MAN2B2: variants seen among roughly 807,000 people sequenced by gnomAD.
MAN2B2 encodes the protein epididymis-specific alpha-mannosidase.
A neutral mutation model predicts 117.1 loss-of-function variants in MAN2B2; 106 were observed. The ratio of observed to expected loss-of-function variants is 0.90; its 90% CI spans 0.77 to 1.06. MAN2B2 has a LOEUF of 1.06. Ranked by LOEUF, MAN2B2 falls within the 50% of genes least tolerant of loss-of-function variation. The pLI, the probability that MAN2B2 is intolerant of heterozygous loss-of-function variation, is 0.00. For synonymous variants in MAN2B2, 544 were observed against 595.1 expected, an observed-to-expected ratio of 0.91 and a Z score of 1.25; for missense variants, 1,326 against 1,381.4, an observed-to-expected ratio of 0.96 and a Z score of 0.64.
intron 2 of MAN2B2, 32 bp downstream of exon 2, chr4:6,576,756 C>T: frequency 1.2e-6 from 2 of 1,610,200 alleles, no homozygotes; most frequent in Non-Finnish European, 1.7e-6. Flanking sequence ...ACAGTTGGCC[C>T]AGTATCCTGG....
At chr4:6,592,314 A>G (rs1726890669) in intron 5 of MAN2B2, among the ~76,000 whole-genome samples, 1 of 152,282 alleles carries the variant, frequency 6.6e-6, no homozygotes, top group South Asian at 2.1e-4. Flanking sequence ...ACATTCTACC[A>G]GGGAGCTTGG....
rs376087541 is a variant in MAN2B2 at position 6,578,517 on chromosome 4, G to A, written c.391+19G>A. On this transcript the variant is annotated intron_variant, in intron 3 of 18. Coordinates refer to ENST00000285599, the MANE Select transcript of MAN2B2 (RefSeq NM_015274.3). ...CTCACAGGTTTGGCCACCCTACCCT[G>A]CACCCAGGGTCCCTCAGGACCTCCA... 1.1e-5 allele frequency: 17 copies of A among 1,604,802 alleles called. No homozygotes were observed. The African/African-American group carries it at 1.2e-4, about 11-fold the overall frequency.
At chr4:6,585,334 A>T (rs1726590065) in intron 3 of MAN2B2, among the ~76,000 whole-genome samples, 1 of 152,194 alleles carries the variant, frequency 6.6e-6, no homozygotes, top group East Asian at 1.9e-4. Flanking sequence ...TAGATCAGTT[A>T]TGAGAGTTCT....
chr4:6,608,045 G>A (rs1401529356), intron 11 of MAN2B2, among the ~76,000 whole-genome samples: 1 of 152,158 alleles, frequency 6.6e-6, no homozygotes, highest in African/African-American at 2.4e-5. Flanking sequence ...GGTGAGATGT[G>A]TCTTTAGATC....
At chr4:6,588,251 G>T (rs996110476) in intron 4 of MAN2B2, among the ~76,000 whole-genome samples, 1 of 152,200 alleles carries the variant, frequency 6.6e-6, no homozygotes, top group East Asian at 1.9e-4. Flanking sequence ...TGTGAGGGAA[G>T]GGGCTGCTCC....
rs182938310 is a variant in MAN2B2, at chr4:6,585,967, G to A, written c.392-1029G>A. Among the ~76,000 whole-genome samples, 11 of 152,312 alleles carry A rather than the reference G, an allele frequency of 7.2e-5. No homozygotes were observed. In the East Asian group the frequency reaches 1.9e-3, roughly 27 times the overall value. ...TTCTGCTTCACTGTGTTTGTTAGAA[G>A]TGAGTCACTGAGTCTGGCCACCCTC... On this transcript the variant is annotated intron_variant, in intron 3 of 18. Transcript: ENST00000285599.
chr4:6,611,083 CAG>C lies in MAN2B2; in HGVS notation c.2371-2_2371-1del. On this transcript the variant is annotated splice_acceptor_variant, in intron 14 of 18. Coordinates refer to ENST00000285599, the MANE Select transcript of MAN2B2 (RefSeq NM_015274.3). LOFTEE classifies it high-confidence loss of function. ...GGGCCTCTCGGACAATGCCTTCCCG[CAG>C]GTCATGCTCCACCGGCGGCTGTGGA... 1 of 1,612,478 alleles carries C rather than the reference CAG, an allele frequency of 6.2e-7. No homozygotes were observed. Among genetic ancestry groups the C allele is most frequent in the Non-Finnish European group, 8.5e-7 (1 of 1,178,848 alleles).
At position 6,614,196 on chromosome 4, in the gene MAN2B2, ACT is replaced by A; in HGVS notation, c.2564-19_2564-18del. On this transcript the variant is annotated intron_variant, in intron 15 of 18. Transcript: ENST00000285599. The stretch of plus-strand genomic sequence containing the variant: ...GAGTTGAGCCCCAAACCCTCTCCTC[ACT>A]CTGTCCATCTGCCTTGCAGGGACTG... 1 of 1,611,760 alleles carries A rather than the reference ACT, an allele frequency of 6.2e-7. No individual in the cohort carries two copies. Among genetic ancestry groups the A allele is most frequent in the Non-Finnish European group, 8.5e-7 (1 of 1,178,350 alleles).
At chr4:6,587,754 T>G (rs1205222276) in intron 4 of MAN2B2, among the ~76,000 whole-genome samples, 24 of 76,254 alleles carry the variant, frequency 3.1e-4, no homozygotes, top group African/African-American at 7.7e-4. Context: ...GTTGTTGTTT[T>G]TTTTTTTTTT....
At chr4:6,580,531 G>A (rs1162570688) in intron 3 of MAN2B2, among the ~76,000 whole-genome samples, 6 of 152,178 alleles carry the variant, frequency 3.9e-5, no homozygotes, top group Admixed American at 3.9e-4. Flanking sequence ...GAGGCTCTGG[G>A]GCTGTTTCTC....
chr4:6,600,897 C>T (rs1399558476), intron 10 of MAN2B2, 141 bp downstream of exon 10: 1 of 1,077,744 alleles, frequency 9.3e-7, no homozygotes, highest in African/African-American at 1.6e-5. Context: ...CTCAGAGAAG[C>T]AAAGTGGGGT....
intron 5 of MAN2B2, among the ~76,000 whole-genome samples, chr4:6,591,085 T>C (rs564571572): frequency 1.4e-4 from 22 of 151,846 alleles, no homozygotes; most frequent in Admixed American, 1.2e-3. Context: ...AAGATGGAGG[T>C]TGCAGTAAGC....
In MAN2B2 at chr4:6,610,454, G is replaced by T. The variant is rs544972071; in HGVS notation, c.2259+404G>T. Among the ~76,000 whole-genome samples, 42 of 152,302 alleles carry T rather than the reference G, an allele frequency of 2.8e-4. 1 individual carries two copies. The South Asian group carries it at 8.1e-3, about 29-fold the overall frequency. The stretch of plus-strand genomic sequence containing the variant: ...TTACAGGTGTGAGCCACCGCGCCCG[G>T]CCTCCAGAGAGAATTCTTTTAAAGC... On this transcript the variant is annotated intron_variant, in intron 13 of 18. Transcript: ENST00000285599.
chr4:6,584,389 A>G (rs989388824), intron 3 of MAN2B2, among the ~76,000 whole-genome samples: 1 of 152,224 alleles, frequency 6.6e-6, no homozygotes. Context: ...CAGTAAAAGG[A>G]AGAGAGGGGG....
At chr4:6,608,978 T>C in intron 11 of MAN2B2, 129 bp from the exon 12 acceptor site, 2 of 767,424 alleles carry the variant, frequency 2.6e-6, no homozygotes, top group Non-Finnish European at 4.2e-6. Context: ...CTAGATGAGC[T>C]GAGTCACATG....
intron 16 of MAN2B2, among the ~76,000 whole-genome samples, chr4:6,616,355 A>G (rs1299299132): frequency 6.6e-6 from 1 of 152,104 alleles, no homozygotes; most frequent in African/African-American, 2.4e-5. Flanking sequence ...AGGAGATCAC[A>G]TACATCATGT....
intron 3 of MAN2B2, among the ~76,000 whole-genome samples, chr4:6,581,851 C>T (rs1726441059): frequency 1.3e-5 from 2 of 151,970 alleles, no homozygotes; most frequent in African/African-American, 4.8e-5. Flanking sequence ...CTCCTGCTCC[C>T]GGCAGTCACG....
intron 3 of MAN2B2, 77 bp from the exon 4 acceptor site, chr4:6,586,919 G>A: frequency 1.4e-6 from 2 of 1,422,754 alleles, no homozygotes; most frequent in South Asian, 1.3e-5. Context: ...GATAGGCAGG[G>A]TCCCCTGGGG....
intron 12 of MAN2B2, 92 bp from the exon 13 acceptor site, chr4:6,609,706 G>GCCCC: frequency 2.8e-6 from 3 of 1,061,030 alleles, no homozygotes; most frequent in Non-Finnish European, 4.2e-6. Flanking sequence ...ACCCTGCCCT[G>GCCCC]CCCACCCTGC....
Sources: allele counts gnomAD v4.1 joint callset (sites outside exome capture counted in the v4.1 genomes callset), GRCh38; gene constraint gnomAD v4.1.1; transcripts MANE v1.5; gene names NCBI Gene and HGNC (gene_info 2026-07-23, HGNC 2026-07-21).